Variants in LIFR observed in about 807,000 individuals in gnomAD.
The protein encoded by LIFR is leukemia inhibitory factor receptor.
Under a neutral mutation model 122.2 loss-of-function variants are expected in LIFR, and 84 were observed. The ratio of observed to expected loss-of-function variants is 0.69; its 90% CI spans 0.58 to 0.82. LIFR has a LOEUF of 0.82. Ranked by LOEUF, LIFR falls within the 40% of genes least tolerant of loss-of-function variation. The pLI is 0.00. For synonymous variants in LIFR, 422 were observed against 434.7 expected (o/e 0.97, Z 0.36); for missense variants, 1,294 against 1,311.6 (o/e 0.99, Z 0.21).
At chr5:38,598,223 T>A (rs1414076168), upstream of LIFR, among the ~76,000 whole-genome samples, 3 of 67,068 alleles carry the variant, frequency 4.5e-5, no homozygotes, top group African/African-American at 3.0e-4. Flanking sequence ...TTTTTTTTTT[T>A]TTTTTTTTTA....
chr5:38,560,602 G>GT (rs539078770), upstream of LIFR, among the ~76,000 whole-genome samples: 3,060 of 139,216 alleles, frequency 0.022, 71 homozygotes, highest in African/African-American at 0.066. Context: ...TTTGTTTTTT[G>GT]TTTTTTTTTT....
rs543255047 is a variant in LIFR at position 38,481,455 on chromosome 5, T to G, written c.*140A>C. 1 of 939,774 alleles carries G rather than the reference T, an allele frequency of 1.1e-6. No homozygotes were observed. Among genetic ancestry groups the G allele is most frequent in the African/African-American group, 1.6e-5 (1 of 61,778 alleles). 58.2% of individuals were successfully genotyped at this position (939,774 alleles called of 1,614,324 possible). ...CTACATTAAAAGCACATGAACACTT[T>G]CAGTGTAACTTAACATGTAGTGAAG... On this transcript the variant is annotated 3_prime_UTR_variant, in exon 20 of 20. Coordinates refer to ENST00000453190, the MANE Select transcript of LIFR (RefSeq NM_001127671.2).
chr5:38,589,294 G>A (rs1206091105), intron 1 of LIFR, among the ~76,000 whole-genome samples: 1 of 151,976 alleles, frequency 6.6e-6, no homozygotes, highest in Non-Finnish European at 1.5e-5. Context: ...TAAGTGTAGG[G>A]CTAACTCCTT....
intron 15 of LIFR, among the ~76,000 whole-genome samples, chr5:38,489,540 A>T (rs1297912912): frequency 6.6e-6 from 1 of 152,222 alleles, no homozygotes. Context: ...ATTCAGATAG[A>T]CTTCATTTGT....
At chr5:38,542,469 C>T (rs906378281) in intron 1 of LIFR, among the ~76,000 whole-genome samples, 6 of 152,036 alleles carry the variant, frequency 3.9e-5, no homozygotes, top group South Asian at 2.1e-4. Flanking sequence ...CTAGTTGGGG[C>T]CTCTTTCCCT....
At chr5:38,501,373 G>C (rs1175804951) in intron 11 of LIFR, among the ~76,000 whole-genome samples, 1 of 152,138 alleles carries the variant, frequency 6.6e-6, no homozygotes, top group Admixed American at 6.5e-5. Flanking sequence ...TATTTGCTTT[G>C]CTATTTCTTA....
upstream of LIFR, among the ~76,000 whole-genome samples, chr5:38,597,575 A>G (rs1433961494): frequency 6.6e-6 from 1 of 152,216 alleles, no homozygotes; most frequent in African/African-American, 2.4e-5. Flanking sequence ...GGTTGTCACA[A>G]CTGGGTGAGG....
intron 3 of LIFR, among the ~76,000 whole-genome samples, chr5:38,528,302 G>A (rs1265443184): frequency 6.6e-6 from 1 of 152,132 alleles, no homozygotes; most frequent in Non-Finnish European, 1.5e-5. Flanking sequence ...TGACCTCCCA[G>A]GGGAGCAGGG....
At chr5:38,544,916 G>A (rs1352197264) in intron 1 of LIFR, among the ~76,000 whole-genome samples, 3 of 152,166 alleles carry the variant, frequency 2.0e-5, no homozygotes, top group African/African-American at 4.8e-5. Flanking sequence ...AATAATGGAT[G>A]AATAAACTGA....
upstream of LIFR, among the ~76,000 whole-genome samples, chr5:38,559,533 T>C (rs1254750761): frequency 6.6e-6 from 1 of 152,244 alleles, no homozygotes; most frequent in Non-Finnish European, 1.5e-5. Context: ...TAAATTCTAA[T>C]TTATATAATA....
chr5:38,486,957 T>C (rs563945790), intron 16 of LIFR, among the ~76,000 whole-genome samples: 1 of 152,358 alleles, frequency 6.6e-6, no homozygotes, highest in African/African-American at 2.4e-5. Flanking sequence ...CCCATTGTTA[T>C]AACTGCTTTT....
At chr5:38,594,231 G>A (rs1750023890) in intron 1 of LIFR, among the ~76,000 whole-genome samples, 2 of 152,116 alleles carry the variant, frequency 1.3e-5, no homozygotes. Flanking sequence ...TCCTCAAAAC[G>A]ATGGAGATGG....
At chr5:38,514,357 G>A (rs1745964288) in intron 5 of LIFR, among the ~76,000 whole-genome samples, 5 of 152,098 alleles carry the variant, frequency 3.3e-5, no homozygotes, top group Admixed American at 2.0e-4. Flanking sequence ...AAGAAACAAT[G>A]GAATCATACC....
rs776670613 is a variant in LIFR at position 38,485,850 on chromosome 5, C to A, written c.2466G>T (p.Glu822Asp). 5 of 1,614,048 alleles carry A rather than the reference C, an allele frequency of 3.1e-6. No homozygotes were observed. The highest frequency in any genetic ancestry group is 4.2e-6 in the Non-Finnish European group (5 of 1,180,022). The part of the protein sequence containing the change: ...RAYTDGGVGP[E>D]KSMYVVTKEN... Reference sequence around the variant, plus strand: ...CCTTTGTCACCACATACATACTCTTCTCCGGGCCCACTCCACCATCTGTAT... The same window carrying A: ...CCTTTGTCACCACATACATACTCTTATCCGGGCCCACTCCACCATCTGTAT... Residue 822 changes from glutamate (E) to aspartate (D), a missense_variant, in exon 17 of 20, where the codon GAG becomes GAT. Transcript: ENST00000453190.
At chr5:38,587,915 A>G (rs1349725872) in intron 1 of LIFR, among the ~76,000 whole-genome samples, 1 of 152,250 alleles carries the variant, frequency 6.6e-6, no homozygotes, top group Non-Finnish European at 1.5e-5. Flanking sequence ...CATTAGGTGT[A>G]GGGATTCAAA....
At chr5:38,568,350 GC>G (rs1242111117) in intron 1 of LIFR, among the ~76,000 whole-genome samples, 1 of 152,144 alleles carries the variant, frequency 6.6e-6, no homozygotes, top group African/African-American at 2.4e-5. Context: ...TGAGACAAGG[GC>G]CTATGGGAGT....
chr5:38,556,859 T>G (rs1471750624), upstream of LIFR: 3 of 151,216 alleles, frequency 2.0e-5, no homozygotes, highest in Non-Finnish European at 4.4e-5. Flanking sequence ...TGGTGCTTCC[T>G]CCGAGCCTCC....
chr5:38,542,401 A>C (rs1053100845), intron 1 of LIFR, among the ~76,000 whole-genome samples: 23 of 152,246 alleles, frequency 1.5e-4, no homozygotes, highest in African/African-American at 5.5e-4. Context: ...TATGACTACC[A>C]CTTGTGCCAC....
intron 2 of LIFR, among the ~76,000 whole-genome samples, chr5:38,601,818 G>T (rs1750227626): frequency 6.6e-6 from 1 of 152,130 alleles, no homozygotes; most frequent in Non-Finnish European, 1.5e-5. Flanking sequence ...CTCCAGACCT[G>T]TAAGTCTACC....
Sources: allele counts gnomAD v4.1 joint callset (sites outside exome capture counted in the v4.1 genomes callset), GRCh38; gene constraint gnomAD v4.1.1; transcripts MANE v1.5; gene names NCBI Gene and HGNC (gene_info 2026-07-23, HGNC 2026-07-21).